The following PWWP2A variants were observed in gnomAD, a reference collection of about 807,000 sequenced individuals.
PWWP2A encodes PWWP domain containing 2A, also known as PWWP domain-containing protein 2A.
PWWP2A carries 18 observed loss-of-function variants against 48.5 expected under a neutral mutation model. That is an observed-to-expected ratio of 0.37 (90% CI 0.26 to 0.55). The LOEUF (loss-of-function observed/expected upper bound fraction) is 0.55, where lower values mean the gene tolerates loss of function less well. PWWP2A is among the 20% of genes least tolerant of loss of function. PWWP2A has a pLI of 0.81. For missense variants in PWWP2A, 867 were observed against 976.4 expected, an observed-to-expected ratio of 0.89 and a Z score of 1.49; for synonymous variants, 396 against 387.7, an observed-to-expected ratio of 1.02 and a Z score of -0.25.
downstream of PWWP2A, among the ~76,000 whole-genome samples, chr5:160,059,205 A>C (rs1757630546): frequency 6.6e-6 from 1 of 152,128 alleles, no homozygotes; most frequent in African/African-American, 2.4e-5. Context: ...TTTCATCTAC[A>C]CTAAAAACAT....
intron 4 of PWWP2A, among the ~76,000 whole-genome samples, chr5:160,065,818 A>G (rs1753589010): frequency 6.6e-6 from 1 of 152,340 alleles, no homozygotes; most frequent in Admixed American, 6.5e-5. Context: ...AATATTTTTA[A>G]CTTAAAATAG....
downstream of PWWP2A, among the ~76,000 whole-genome samples, chr5:160,058,561 C>A (rs1757609496): frequency 6.6e-6 from 1 of 152,000 alleles, no homozygotes; most frequent in Admixed American, 6.6e-5. Flanking sequence ...CAGGTGCCCA[C>A]CACCAAGCCC....
chr5:160,083,436 G>A (rs774136004), intron 2 of PWWP2A, among the ~76,000 whole-genome samples: 1 of 152,122 alleles, frequency 6.6e-6, no homozygotes, highest in African/African-American at 2.4e-5. Flanking sequence ...TCAATCATAC[G>A]AGCAGCAATA....
chr5:160,061,067 C>T (rs557672580), downstream of PWWP2A, among the ~76,000 whole-genome samples: 6 of 152,348 alleles, frequency 3.9e-5, no homozygotes, highest in South Asian at 2.1e-4. Context: ...TCCTGTGGCA[C>T]GGGAACCGTA....
At chr5:160,052,547 G>GAAAA in the PWWP2A span, among the ~76,000 whole-genome samples, 3 of 6,586 alleles carry the variant, frequency 4.6e-4, no homozygotes, top group African/African-American at 7.2e-4. Flanking sequence ...CTCTATTTTA[G>GAAAA]CAAAAAAAAA....
chr5:160,093,348 A>G lies in PWWP2A; in HGVS notation c.1302T>C (p.Ile434=). 6.2e-7 allele frequency: 1 copy of G among 1,613,834 alleles called. No individual in the cohort carries two copies. The highest frequency in any genetic ancestry group is 8.5e-7 in the Non-Finnish European group (1 of 1,179,804). ...GCTTCTTTTGTGCCTTTTCTTTGGC[A>G]ATTTTTAACACTTCCCGAGCTTTCG... The part of the protein sequence containing the change: ...DHAKAREVLK[I]AKEKAQKKQN... The change falls in exon 2 of 2, where the codon ATT becomes ATC. Residue 434 remains isoleucine, a synonymous_variant. Transcript: ENST00000307063. The surrounding 1 kb of genome is among the most constrained non-coding windows in gnomAD (Gnocchi z 5.8).
chr5:160,084,601 T>C (rs1406794424), intron 2 of PWWP2A, among the ~76,000 whole-genome samples: 2 of 151,662 alleles, frequency 1.3e-5, no homozygotes, highest in East Asian at 1.9e-4. Context: ...CCTTATTTTT[T>C]TGTATTTTTT....
At chr5:160,060,609 C>T (rs1753340422), downstream of PWWP2A, among the ~76,000 whole-genome samples, 1 of 152,168 alleles carries the variant, frequency 6.6e-6, no homozygotes, top group African/African-American at 2.4e-5. Flanking sequence ...GAAAGTGTGG[C>T]AGATAGGCTA....
intron 2 of PWWP2A, among the ~76,000 whole-genome samples, chr5:160,081,455 G>A (rs991420042): frequency 6.6e-6 from 1 of 152,032 alleles, no homozygotes; most frequent in Non-Finnish European, 1.5e-5. Flanking sequence ...GGCCAGCCTG[G>A]TCTCAAACTC....
chr5:160,078,232 G>T lies in PWWP2A; in HGVS notation c.1670-64C>A, dbSNP rs989070848. On this transcript the variant is annotated intron_variant, in intron 3 of 3. Coordinates refer to the PWWP2A transcript ENST00000456329. The surrounding 1 kb of genome is among the most constrained non-coding windows in gnomAD (Gnocchi z 4.2). ...GCACAAGTAATTATATGAGGAAAATGATGTCCTTGTTGTTTAAGCCCTACA... is the reference window on the plus strand; with the variant it reads ...GCACAAGTAATTATATGAGGAAAATTATGTCCTTGTTGTTTAAGCCCTACA... 1.1e-5 allele frequency: 15 copies of T among 1,320,132 alleles called. No individual in the cohort carries two copies. In the African/African-American group the frequency reaches 1.6e-4, roughly 14 times the overall value. The allele number at this position is 1,320,132 out of a possible 1,614,324, so 81.8% of individuals were successfully genotyped here. A position where few individuals can be genotyped will look rare whatever the true frequency, so the allele number is the denominator to read the frequency against.
chr5:160,105,666 A>AG, intron 1 of PWWP2A: 1 of 982,528 alleles, frequency 1.0e-6, no homozygotes, highest in Non-Finnish European at 1.2e-6. Context: ...ATAAGCCATC[A>AG]GCCCCAGGTG....
At chr5:160,073,179 A>G (rs190764127), downstream of PWWP2A, among the ~76,000 whole-genome samples, 235 of 151,934 alleles carry the variant, frequency 1.5e-3, 3 homozygotes, top group African/African-American at 5.5e-3. Context: ...AACAGAATCC[A>G]TGTCTCCTAC....
downstream of PWWP2A, chr5:160,089,727 C>A: frequency 3.2e-6 from 4 of 1,237,464 alleles, no homozygotes; most frequent in East Asian, 6.0e-5. Flanking sequence ...CCTGGCCAAT[C>A]CTTTGTTTTA....
downstream of PWWP2A, among the ~76,000 whole-genome samples, chr5:160,087,362 A>G (rs1327601472): frequency 1.3e-5 from 2 of 149,168 alleles, no homozygotes; most frequent in Admixed American, 1.3e-4. Flanking sequence ...CCTGGGTGAC[A>G]GAGTGTGACC....
downstream of PWWP2A, among the ~76,000 whole-genome samples, chr5:160,072,526 A>T (rs1004452557): frequency 6.6e-6 from 1 of 152,082 alleles, no homozygotes; most frequent in African/African-American, 2.4e-5. Context: ...CCAGGAGTTT[A>T]GAACTACCTG....
At chr5:160,097,407 G>A (rs1199313975) in intron 1 of PWWP2A, among the ~76,000 whole-genome samples, 2 of 149,950 alleles carry the variant, frequency 1.3e-5, no homozygotes, top group East Asian at 4.0e-4. Context: ...AACACTTTGG[G>A]AGGCCTGAGG....
downstream of PWWP2A, among the ~76,000 whole-genome samples, chr5:160,059,697 C>T (rs983674879): frequency 2.6e-5 from 4 of 152,134 alleles, no homozygotes; most frequent in Admixed American, 6.5e-5. Flanking sequence ...GAACATGCAC[C>T]GCACTTACCA....
rs141023343 is a variant in PWWP2A at position 160,093,495 on chromosome 5, C to G, written c.1155G>C (p.Val385=). ...NQNESQKRNA[V]VKVSNIAHSR... is the part of the protein sequence containing the mutation. ...TGTGAGCAATATTTGAAACCTTAAC[C>G]ACAGCATTTCTTTTCTGGCTTTCAT... The change falls in exon 2 of 2, where the codon GTG becomes GTC. Residue 385 remains valine, a synonymous_variant. Coordinates refer to ENST00000307063, the MANE Select transcript of PWWP2A (RefSeq NM_001130864.2). This position sits in a 1 kb window ranked among gnomAD's most constrained non-coding sequence, Gnocchi z 5.8. 1.4e-4 allele frequency: 234 copies of G among 1,613,902 alleles called. 1 individual carries two copies. In the African/African-American group the frequency reaches 2.8e-3, roughly 19 times the overall value.
At chr5:160,110,386 G>A (rs1330575268) in intron 1 of PWWP2A, among the ~76,000 whole-genome samples, 1 of 152,138 alleles carries the variant, frequency 6.6e-6, no homozygotes, top group Admixed American at 6.6e-5. Context: ...TAGTAAGATT[G>A]TTGTTTTTAA....
Sources: gnomAD v4.1 joint callset for allele counts (sites outside exome capture counted in the v4.1 genomes callset) on GRCh38, gnomAD v4.1.1 for gene constraint, Gnocchi (gnomAD v3.1) non-coding constraint, MANE v1.5 for transcripts, NCBI Gene and HGNC (gene_info 2026-07-23, HGNC 2026-07-21) for gene names.